Variants in LRRC3B observed in about 807,000 individuals in gnomAD.
The protein encoded by LRRC3B is leucine-rich repeat-containing protein 3B.
In LRRC3B, 2 loss-of-function variants were observed where a neutral mutation model predicts 12.8. That is an observed-to-expected ratio of 0.16 (90% CI 0.06 to 0.49). The LOEUF (loss-of-function observed/expected upper bound fraction) is 0.49, where lower values mean the gene tolerates loss of function less well. Ranked by LOEUF, LRRC3B falls within the 20% of genes least tolerant of loss-of-function variation. LRRC3B has a pLI of 0.96. For synonymous variants in LRRC3B, 132 were observed against 122.0 expected, an observed-to-expected ratio of 1.08 and a Z score of -0.54; for missense variants, 189 against 319.4, an observed-to-expected ratio of 0.59 and a Z score of 3.11.
chr3:26,690,035 A>C (rs369004012), intron 1 of LRRC3B, among the ~76,000 whole-genome samples: 11 of 152,318 alleles, frequency 7.2e-5, no homozygotes, highest in African/African-American at 2.6e-4. Context: ...TTCCTCTTAC[A>C]TGCTGTGACT....
At chr3:26,654,582 G>A (rs1231358991) in intron 1 of LRRC3B, among the ~76,000 whole-genome samples, 2 of 152,322 alleles carry the variant, frequency 1.3e-5, no homozygotes, top group African/African-American at 4.8e-5. Context: ...GAGTAAGGAG[G>A]ATGTTCTAGG....
At chr3:26,676,386 C>T (rs1699861901) in intron 1 of LRRC3B, among the ~76,000 whole-genome samples, 1 of 152,082 alleles carries the variant, frequency 6.6e-6, no homozygotes. Flanking sequence ...TTTCCAGCTT[C>T]ATCCGTGTCC....
chr3:26,699,378 T>C (rs2125457278), intron 1 of LRRC3B, among the ~76,000 whole-genome samples: 1 of 152,246 alleles, frequency 6.6e-6, no homozygotes, highest in Non-Finnish European at 1.5e-5. Context: ...ATGAGGTGGA[T>C]ATTATTGATC....
Position 26,632,770 on chromosome 3 carries a change from C to A in LRRC3B, c.-161+9533C>A, listed in dbSNP as rs144879589. The stretch of plus-strand genomic sequence containing the variant: ...AGAAGTCAACATGGTGGATTAGCAT[C>A]CAAGATGGAGTTGCTTTGGCCTCCA... On this transcript the variant is annotated intron_variant, in intron 1 of 1. Transcript: ENST00000396641. 4.7e-3 allele frequency among the ~76,000 whole-genome samples: 716 copies of A among 152,188 alleles called. 3 individuals are homozygous for A. The highest frequency in any genetic ancestry group is 0.016 in the African/African-American group (672 of 41,532).
At chr3:26,646,883 T>A (rs1268996415) in intron 1 of LRRC3B, among the ~76,000 whole-genome samples, 1 of 152,138 alleles carries the variant, frequency 6.6e-6, no homozygotes, top group Non-Finnish European at 1.5e-5. Context: ...TCCCACCACT[T>A]ATGGCTGTGA....
intron 1 of LRRC3B, among the ~76,000 whole-genome samples, chr3:26,690,066 A>G (rs1700159874): frequency 1.3e-5 from 2 of 152,234 alleles, no homozygotes; most frequent in Admixed American, 1.3e-4. Context: ...CAAAAGCCAT[A>G]GGCATGGTAA....
At chr3:26,663,632 C>G (rs1049439867) in intron 1 of LRRC3B, among the ~76,000 whole-genome samples, 3 of 152,086 alleles carry the variant, frequency 2.0e-5, no homozygotes, top group African/African-American at 7.2e-5. Flanking sequence ...TTAATTGTAT[C>G]TAGCTTTCCC....
intron 1 of LRRC3B, among the ~76,000 whole-genome samples, chr3:26,657,386 T>C (rs200305385): frequency 6.6e-6 from 1 of 152,198 alleles, no homozygotes; most frequent in Non-Finnish European, 1.5e-5. Flanking sequence ...TTGAATTATA[T>C]TCAATTTCAA....
intron 1 of LRRC3B, among the ~76,000 whole-genome samples, chr3:26,646,668 C>T (rs1032455140): frequency 5.4e-5 from 8 of 147,966 alleles, no homozygotes; most frequent in African/African-American, 2.0e-4. Context: ...AAAATATGCC[C>T]CTCATGCAAA....
intron 1 of LRRC3B, among the ~76,000 whole-genome samples, chr3:26,675,577 A>G (rs947052668): frequency 2.6e-5 from 4 of 152,222 alleles, no homozygotes; most frequent in Non-Finnish European, 4.4e-5. Context: ...AGCATGTGAA[A>G]CTGGAAGTCT....
intron 1 of LRRC3B, among the ~76,000 whole-genome samples, chr3:26,664,640 T>TAA (rs954126508): frequency 4.6e-5 from 7 of 152,070 alleles, no homozygotes; most frequent in African/African-American, 1.4e-4. Context: ...GGTGGGGAAG[T>TAA]AAAGAGAAGG....
chr3:26,636,974 C>CTTTCTA (rs1193566862), intron 1 of LRRC3B, among the ~76,000 whole-genome samples: 1 of 112,206 alleles, frequency 8.9e-6, no homozygotes, highest in Admixed American at 1.0e-4. Flanking sequence ...TTCTTTCTTT[C>CTTTCTA]TCTCTCTCTC....
At chr3:26,642,433 AAGG>A (rs1699048873) in intron 1 of LRRC3B, among the ~76,000 whole-genome samples, 1 of 152,194 alleles carries the variant, frequency 6.6e-6, no homozygotes, top group Non-Finnish European at 1.5e-5. Context: ...ATCTTCAGGA[AAGG>A]AGAAGAGGAT....
At chr3:26,650,591 T>C (rs1311690309) in intron 1 of LRRC3B, among the ~76,000 whole-genome samples, 1 of 152,160 alleles carries the variant, frequency 6.6e-6, no homozygotes, top group Non-Finnish European at 1.5e-5. Context: ...TTGCTTTTTT[T>C]TTCACCAAAC....
intron 1 of LRRC3B, among the ~76,000 whole-genome samples, chr3:26,677,974 A>G (rs1054033731): frequency 6.6e-6 from 1 of 151,282 alleles, no homozygotes; most frequent in South Asian, 2.1e-4. Flanking sequence ...TAATTTTTGT[A>G]TTTTTCTTCT....
At chr3:26,703,536 C>A (rs960556062) in intron 1 of LRRC3B, among the ~76,000 whole-genome samples, 1 of 151,980 alleles carries the variant, frequency 6.6e-6, no homozygotes, top group East Asian at 1.9e-4. Flanking sequence ...GGTGGGCTAA[C>A]TACAAGAAGG....
At chr3:26,646,633 A>C (rs960885694) in intron 1 of LRRC3B, among the ~76,000 whole-genome samples, 10 of 146,726 alleles carry the variant, frequency 6.8e-5, no homozygotes, top group Admixed American at 2.0e-4. Flanking sequence ...AAAAAAAAAA[A>C]AAACGGATTT....
intron 1 of LRRC3B, among the ~76,000 whole-genome samples, chr3:26,662,639 T>C (rs1427161262): frequency 1.3e-5 from 2 of 152,124 alleles, no homozygotes; most frequent in African/African-American, 4.8e-5. Context: ...ACATTACCCT[T>C]GTTTTATTCA....
At chr3:26,633,489 C>T (rs1020121627) in intron 1 of LRRC3B, among the ~76,000 whole-genome samples, 2 of 152,096 alleles carry the variant, frequency 1.3e-5, no homozygotes, top group East Asian at 3.8e-4. Flanking sequence ...GTACTCAGCA[C>T]TGAATATGCA....
Sources: allele counts gnomAD v4.1 joint callset (sites outside exome capture counted in the v4.1 genomes callset), GRCh38; gene constraint gnomAD v4.1.1; transcripts MANE v1.5; gene names NCBI Gene and HGNC (gene_info 2026-07-23, HGNC 2026-07-21).